The following ANGPTL2 variants were observed in gnomAD, a reference collection of about 807,000 sequenced individuals.
The protein encoded by ANGPTL2 is angiopoietin-related protein 2.
ANGPTL2 carries 25 observed loss-of-function variants against 52.8 expected under a neutral mutation model. That is an observed-to-expected ratio of 0.47 (90% CI 0.35 to 0.66). The LOEUF is 0.66. ANGPTL2 is among the 30% of genes least tolerant of loss of function. ANGPTL2 has a pLI of 0.01. For missense variants in ANGPTL2, 546 were observed against 656.9 expected (o/e 0.83, Z 1.84); for synonymous variants, 276 against 277.4 (o/e 1.00, Z 0.05).
intron 1 of ANGPTL2, among the ~76,000 whole-genome samples, chr9:127,120,976 G>A (rs536875928): frequency 6.6e-5 from 10 of 152,220 alleles, no homozygotes; most frequent in East Asian, 3.9e-4. Flanking sequence ...AGGCATGGGC[G>A]CCTAGCTTTC....
chr9:127,107,206 C>T (rs1002161861), intron 2 of ANGPTL2: 4 of 152,238 alleles, frequency 2.6e-5, no homozygotes, highest in African/African-American at 4.8e-5. Context: ...TTCATCCTGT[C>T]CGCAAGGAGC....
chr9:127,101,662 T>G (rs1188399813), intron 2 of ANGPTL2, among the ~76,000 whole-genome samples: 2 of 152,242 alleles, frequency 1.3e-5, no homozygotes, highest in Non-Finnish European at 2.9e-5. Flanking sequence ...AAAGGAAACC[T>G]GCTTTGTGGG....
intron 1 of ANGPTL2, 102 bp from the exon 2 acceptor site, chr9:127,108,882 A>G (rs1392766456): frequency 6.0e-6 from 5 of 839,136 alleles, no homozygotes; most frequent in Non-Finnish European, 8.9e-6. Flanking sequence ...AGAGCTTTCC[A>G]AAAACTCTGC....
intron 1 of ANGPTL2, among the ~76,000 whole-genome samples, chr9:127,118,827 G>A (rs1294901836): frequency 2.0e-5 from 3 of 152,234 alleles, no homozygotes; most frequent in Non-Finnish European, 2.9e-5. Context: ...GAGGCCAGTT[G>A]CTGAATGTAC....
In ANGPTL2 at chr9:127,088,965, G is replaced by A; in HGVS notation, c.1456C>T (p.Arg486Ter). The change falls in exon 5 of 5, where the codon CGA becomes TGA. Residue 486 changes from arginine (R) to a stop codon, truncating the protein, a stop_gained. Coordinates refer to ENST00000373425, the MANE Select transcript of ANGPTL2 (RefSeq NM_012098.3). LOFTEE classifies it high-confidence loss of function. ...YSLKKVVMMI[R>*]PNPNTFH ...TAGTGGAAGGTGTTGGGGTTCGGTC[G>A]GATCATCATCACCACTTTCTTGAGT... 2.5e-6 allele frequency: 4 copies of A among 1,614,156 alleles called. No homozygotes were observed. The highest frequency in any genetic ancestry group is 3.4e-6 in the Non-Finnish European group (4 of 1,180,022).
Position 127,093,823 on chromosome 9 carries a change from G to A in ANGPTL2, c.921C>T (p.Cys307=), listed in dbSNP as rs142881433. 5.3e-5 allele frequency: 85 copies of A among 1,614,066 alleles called. No individual in the cohort carries two copies. The South Asian group carries it at 6.7e-4, about 13-fold the overall frequency. Residue 307 remains cysteine (C), a synonymous_variant, in exon 3 of 5, where the codon TGC becomes TGT. Transcript: ENST00000373425. The stretch of plus-strand genomic sequence containing the variant: ...AGCCCCCGGGGTCGTGTCTCTGGTC[G>A]CACCACACCTGCATGAGGCGGTTGG... The part of the protein sequence containing the change: ...ENTNRLMQVW[C]DQRHDPGGWT...
Position 127,108,668 on chromosome 9 carries a change from C to T in ANGPTL2, c.64G>A (p.Gly22Ser), listed in dbSNP as rs1564595990. 1 of 1,613,682 alleles carries T rather than the reference C, an allele frequency of 6.2e-7. No individual in the cohort carries two copies. The part of the protein sequence containing the change: ...GLLAAMGAVA[G>S]QEDGFEGTEE... ...GTGCCCTCAAAACCGTCCTCCTGGC[C>T]TGCAACAGCTCCCATGGCAGCCAGC... Residue 22 changes from glycine to serine, a missense_variant, in exon 2 of 5, where the codon GGC (glycine) becomes AGC (serine). By Grantham distance (56) the Gly-to-Ser change is moderately conservative. This residue lies in a region of ANGPTL2 where 285 missense variants were observed against 295.8 expected (regional missense o/e 0.96). Transcript: ENST00000373425.
At chr9:127,093,300 G>A (rs1236129323) in intron 3 of ANGPTL2, among the ~76,000 whole-genome samples, 1 of 152,186 alleles carries the variant, frequency 6.6e-6, no homozygotes, top group Non-Finnish European at 1.5e-5. Flanking sequence ...TCCCTACCAG[G>A]ACTTTTTGGG....
intron 3 of ANGPTL2, 25 bp downstream of exon 3, chr9:127,093,706 GCA>G (rs2052760146): frequency 1.2e-6 from 2 of 1,611,838 alleles, no homozygotes; most frequent in South Asian, 2.2e-5. Context: ...CTTGTGGGCA[GCA>G]CAGACATCCC....
rs183684505 is a variant in ANGPTL2, at chr9:127,112,528, C to T, written c.-49-3748G>A. Among the ~76,000 whole-genome samples, 406 of 152,330 alleles carry T rather than the reference C, an allele frequency of 2.7e-3. 2 individuals carry two copies. Among genetic ancestry groups the T allele is most frequent in the African/African-American group, 9.1e-3 (377 of 41,576 alleles). ...GGTTGGTTTCCAAGCCTTCCTGGAC[C>T]TCCAGATTTGATTTGCACTATTTAT... On this transcript the variant is annotated intron_variant, in intron 1 of 4. Transcript: ENST00000373425.
chr9:127,093,738 AC>A lies in ANGPTL2; in HGVS notation c.1005del (p.Tyr336ThrfsTer22). On this transcript the variant is annotated frameshift_variant, in exon 3 of 5. Transcript: ENST00000373425. LOFTEE classifies it high-confidence loss of function. ...GSVNFFRNWE[T>X]YKQGFGNIDG... ...CATCCCCTGCCGAGTCTCACCTTGT[AC>A]GTCTCCCAGTTCCTGAAGAAGTTAA... 4 of 1,613,848 alleles carry A rather than the reference AC, an allele frequency of 2.5e-6. No individual in the cohort carries two copies. Among genetic ancestry groups the A allele is most frequent in the Non-Finnish European group, 3.4e-6 (4 of 1,179,934 alleles).
chr9:127,103,842 C>T (rs1025772005), intron 2 of ANGPTL2, among the ~76,000 whole-genome samples: 5 of 152,194 alleles, frequency 3.3e-5, no homozygotes, highest in Non-Finnish European at 4.4e-5. Flanking sequence ...CCAAATCAGA[C>T]ATTCACGGGG....
rs531001083 is a variant in ANGPTL2 at position 127,108,336 on chromosome 9, C to T, written c.396G>A (p.Ser132=). ...GCTGCATGTAGAGCTGCGTGACCCG[C>T]GAGTTCATGTTGCGGCTCTCCTTGC... is the stretch of plus-strand genomic sequence containing the variant. ...LLRKESRNMN[S]RVTQLYMQLL... Residue 132 remains serine (S), a synonymous_variant, in exon 2 of 5, where the codon TCG becomes TCA. Transcript: ENST00000373425. The T allele has an allele frequency of 5.1e-5, 83 of 1,613,166 alleles. 1 individual carries two copies. Among genetic ancestry groups the T allele is most frequent in the South Asian group, 3.3e-4 (30 of 91,028 alleles).
At chr9:127,097,315 A>G (rs1417926491) in intron 2 of ANGPTL2, among the ~76,000 whole-genome samples, 2 of 152,240 alleles carry the variant, frequency 1.3e-5, no homozygotes, top group East Asian at 3.8e-4. Context: ...GCTTTCTAGA[A>G]TAATCGAGTA....
At chr9:127,100,550 G>C (rs1039572816) in intron 2 of ANGPTL2, among the ~76,000 whole-genome samples, 1 of 152,230 alleles carries the variant, frequency 6.6e-6, no homozygotes, top group Admixed American at 6.5e-5. Context: ...ACAGAGGTGA[G>C]CAGCTCACCT....
At chr9:127,102,051 C>G (rs1238025560) in intron 2 of ANGPTL2, among the ~76,000 whole-genome samples, 1 of 152,094 alleles carries the variant, frequency 6.6e-6, no homozygotes, top group African/African-American at 2.4e-5. Flanking sequence ...GAAGTTGAGG[C>G]AGTGGTGATG....
chr9:127,110,973 G>A (rs948317260), intron 1 of ANGPTL2, among the ~76,000 whole-genome samples: 3 of 151,864 alleles, frequency 2.0e-5, no homozygotes, highest in East Asian at 1.9e-4. Context: ...AAAGTCAAAC[G>A]GGGTCACTCT....
chr9:127,093,369 G>A lies in ANGPTL2; in HGVS notation c.1011+364C>T, dbSNP rs574350579. Among the ~76,000 whole-genome samples the A allele has an allele frequency of 3.9e-5, 6 of 152,240 alleles. No individual in the cohort carries two copies. In the South Asian group the frequency reaches 1.2e-3, roughly 32 times the overall value. ...TTGCGCCTTCTGGGCTTTGAGAGCG[G>A]GTCTTTCCCCATGGAAACCCCACTT... On this transcript the variant is annotated intron_variant, in intron 3 of 4. Coordinates refer to ENST00000373425, the MANE Select transcript of ANGPTL2 (RefSeq NM_012098.3).
intron 3 of ANGPTL2, among the ~76,000 whole-genome samples, chr9:127,092,452 T>TG (rs2052600503): frequency 6.6e-6 from 1 of 151,474 alleles, no homozygotes; most frequent in African/African-American, 2.4e-5. Flanking sequence ...TTGTGGTTAT[T>TG]GTTTTTTTTT....
Sources: allele counts gnomAD v4.1 joint callset (sites outside exome capture counted in the v4.1 genomes callset), GRCh38; gene constraint gnomAD v4.1.1; regional missense constraint gnomAD v4.1.1; transcripts MANE v1.5; gene names NCBI Gene and HGNC (gene_info 2026-07-23, HGNC 2026-07-21).